The following PPM1H variants were observed in gnomAD, a reference collection of about 807,000 sequenced individuals.
PPM1H encodes protein phosphatase, Mg2+/Mn2+ dependent 1H, also known as protein phosphatase 1H.
A neutral mutation model predicts 54.9 loss-of-function variants in PPM1H; 27 were observed. That is an observed-to-expected ratio of 0.49 (90% CI 0.36 to 0.68). The LOEUF (loss-of-function observed/expected upper bound fraction) is 0.68, where lower values mean the gene tolerates loss of function less well. Ranked by LOEUF, PPM1H falls within the 30% of genes least tolerant of loss-of-function variation. The pLI is 0.00. For missense variants in PPM1H, 596 were observed against 667.8 expected (o/e 0.89, Z 1.19); for synonymous variants, 305 against 270.8 (o/e 1.13, Z -1.24).
intron 1 of PPM1H, among the ~76,000 whole-genome samples, chr12:62,860,124 G>A (rs1008657810): frequency 6.6e-5 from 10 of 152,242 alleles, no homozygotes; most frequent in South Asian, 2.1e-4. Flanking sequence ...GCCTACAATC[G>A]AGTCAGAAGG....
intron 2 of PPM1H, among the ~76,000 whole-genome samples, chr12:62,806,015 T>A (rs2076803415): frequency 6.6e-6 from 1 of 152,086 alleles, no homozygotes; most frequent in African/African-American, 2.4e-5. Context: ...AACATTACAT[T>A]TGAAAAAATG....
At chr12:62,883,991 C>CAGAGATGAGAACAAACAGACAAA (rs1168140417) in intron 1 of PPM1H, among the ~76,000 whole-genome samples, 9 of 152,044 alleles carry the variant, frequency 5.9e-5, no homozygotes, top group South Asian at 2.1e-4. Flanking sequence ...GCCCCTTCGA[C>CAGAGATGAGAACAAACAGACAAA]AGAGATGAGA....
chr12:62,922,854 T>C (rs755164020), intron 1 of PPM1H, among the ~76,000 whole-genome samples: 5 of 152,206 alleles, frequency 3.3e-5, no homozygotes, highest in African/African-American at 9.7e-5. Context: ...CTGAAGTCTA[T>C]TGAAAGAGTA....
intron 1 of PPM1H, among the ~76,000 whole-genome samples, chr12:62,876,269 A>G (rs1208957511): frequency 6.6e-6 from 1 of 152,218 alleles, no homozygotes; most frequent in African/African-American, 2.4e-5. Context: ...CAGAAAGACA[A>G]AACAAAACCA....
At chr12:62,914,906 G>C (rs1326297146) in intron 1 of PPM1H, among the ~76,000 whole-genome samples, 1 of 152,100 alleles carries the variant, frequency 6.6e-6, no homozygotes, top group Non-Finnish European at 1.5e-5. Flanking sequence ...TTACTATCTA[G>C]AAAGCCTCCA....
At chr12:62,873,895 G>A (rs535499831) in intron 1 of PPM1H, among the ~76,000 whole-genome samples, 6 of 152,258 alleles carry the variant, frequency 3.9e-5, no homozygotes, top group African/African-American at 1.4e-4. Flanking sequence ...AGATGAGAAC[G>A]TTAGATAGAA....
intron 1 of PPM1H, among the ~76,000 whole-genome samples, chr12:62,856,901 C>A (rs1869411177): frequency 1.3e-5 from 2 of 152,034 alleles, no homozygotes; most frequent in South Asian, 4.1e-4. Context: ...CACAGGGTAC[C>A]AGACACTTGG....
At chr12:62,654,748 T>A (rs2075835097) in intron 9 of PPM1H, among the ~76,000 whole-genome samples, 1 of 152,172 alleles carries the variant, frequency 6.6e-6, no homozygotes, top group East Asian at 1.9e-4. Flanking sequence ...AGGTTTAACT[T>A]CACACTTTTC....
At chr12:62,827,834 A>C (rs555087945) in intron 2 of PPM1H, among the ~76,000 whole-genome samples, 12 of 152,286 alleles carry the variant, frequency 7.9e-5, no homozygotes, top group African/African-American at 2.6e-4. Flanking sequence ...CCAAATCATC[A>C]GTGACCAAAA....
intron 4 of PPM1H, among the ~76,000 whole-genome samples, chr12:62,746,742 T>C (rs1592577004): frequency 6.6e-6 from 1 of 152,226 alleles, no homozygotes; most frequent in African/African-American, 2.4e-5. Flanking sequence ...ACTTTCCTTC[T>C]AGATGGTCTC....
chr12:62,750,734 T>A (rs1390874764), intron 4 of PPM1H, among the ~76,000 whole-genome samples: 1 of 152,166 alleles, frequency 6.6e-6, no homozygotes. Context: ...AATTGGTAGG[T>A]TTTAGAACTT....
At chr12:62,891,970 A>G (rs995358406) in intron 1 of PPM1H, among the ~76,000 whole-genome samples, 2 of 152,066 alleles carry the variant, frequency 1.3e-5, no homozygotes, top group Non-Finnish European at 2.9e-5. Flanking sequence ...ATCTTTGGGT[A>G]AGAACTCTTA....
At chr12:62,794,363 TAA>T (rs2076719554) in intron 3 of PPM1H, among the ~76,000 whole-genome samples, 1 of 152,242 alleles carries the variant, frequency 6.6e-6, no homozygotes, top group African/African-American at 2.4e-5. Flanking sequence ...TTCTAAACTA[TAA>T]ACTTTGCCCC....
At chr12:62,652,906 A>AT (rs57979633) in intron 9 of PPM1H, among the ~76,000 whole-genome samples, 6,075 of 152,114 alleles carry the variant, frequency 0.04, 407 homozygotes, top group African/African-American at 0.14. Context: ...ATTTTTAGTA[A>AT]TTTTTTTAAC....
intron 1 of PPM1H, among the ~76,000 whole-genome samples, chr12:62,925,779 G>A (rs1312744441): frequency 6.6e-6 from 1 of 152,132 alleles, no homozygotes; most frequent in Non-Finnish European, 1.5e-5. Context: ...CATTTTTGGG[G>A]CAGTTTTGAA....
At chr12:62,681,632 G>A (rs2076019419) in intron 8 of PPM1H, among the ~76,000 whole-genome samples, 1 of 152,096 alleles carries the variant, frequency 6.6e-6, no homozygotes. Context: ...AAAAGAAATT[G>A]TCCTATCTCT....
intron 1 of PPM1H, among the ~76,000 whole-genome samples, chr12:62,895,054 C>T (rs2121095196): frequency 6.6e-6 from 1 of 152,292 alleles, no homozygotes; most frequent in East Asian, 1.9e-4. Context: ...AAGGTCAGCA[C>T]AGGATCTGAA....
intron 9 of PPM1H, among the ~76,000 whole-genome samples, chr12:62,658,166 C>T (rs1171215320): frequency 2.2e-5 from 3 of 139,256 alleles, no homozygotes; most frequent in Non-Finnish European, 4.5e-5. Context: ...TGAGACCAGC[C>T]TGGGTAACAC....
At chr12:62,853,512 T>C (rs1032213045) in intron 1 of PPM1H, among the ~76,000 whole-genome samples, 1 of 146,352 alleles carries the variant, frequency 6.8e-6, no homozygotes, top group Non-Finnish European at 1.5e-5. Context: ...ATGGGAGGAG[T>C]TTCAATGCAC....
Sources: gnomAD v4.1 joint callset for allele counts (sites outside exome capture counted in the v4.1 genomes callset) on GRCh38, gnomAD v4.1.1 for gene constraint, MANE v1.5 for transcripts, NCBI Gene and HGNC (gene_info 2026-07-23, HGNC 2026-07-21) for gene names.